The following GPR4 variants were observed in gnomAD, a reference collection of about 807,000 sequenced individuals.
GPR4 encodes G protein-coupled receptor 4.
In GPR4, 11 loss-of-function variants were observed where a neutral mutation model predicts 17.8. That is an observed-to-expected ratio of 0.62 (90% CI 0.39 to 1.02). The LOEUF (loss-of-function observed/expected upper bound fraction) is 1.02, where lower values mean the gene tolerates loss of function less well. Among genes scored for constraint, GPR4 ranks in the 50% least tolerant of loss-of-function variants. The pLI is 0.00. For missense variants in GPR4, 364 were observed against 495.4 expected, an observed-to-expected ratio of 0.73 and a Z score of 2.52; for synonymous variants, 219 against 222.8, an observed-to-expected ratio of 0.98 and a Z score of 0.15.
In GPR4 at chr19:45,591,422, T is replaced by C; in HGVS notation, c.445A>G (p.Asn149Asp). 1 of 1,605,686 alleles carries C rather than the reference T, an allele frequency of 6.2e-7. No individual in the cohort carries two copies. Among genetic ancestry groups the C allele is most frequent in the Non-Finnish European group, 8.5e-7 (1 of 1,177,854 alleles). ...SVVWATELGA[N>D]SAPLFHDELF... is the part of the protein sequence containing the mutation. ...TCGTCATGGAACAGGGGCGCCGAGT[T>C]GGCGCCCAGCTCCGTGGCCCAGACC... Residue 149 changes from asparagine to aspartate, a missense_variant, in exon 2 of 2, where the codon AAC (asparagine) becomes GAC (aspartate). By Grantham distance (23) the Asn-to-Asp change is conservative. Transcript: ENST00000323040. This position sits in a 1 kb window ranked among gnomAD's most constrained non-coding sequence, Gnocchi z 7.6.
At chr19:45,600,180 C>T (rs891646541) in intron 1 of GPR4, among the ~76,000 whole-genome samples, 4 of 152,122 alleles carry the variant, frequency 2.6e-5, no homozygotes, top group Non-Finnish European at 5.9e-5. Context: ...AAATTCTCAC[C>T]ACCTGGGGGT....
chr19:45,601,959 A>AG (rs1970115644), intron 1 of GPR4, 136 bp downstream of exon 1: 1 of 152,870 alleles, frequency 6.5e-6, no homozygotes, highest in South Asian at 2.1e-4. Context: ...AGAGCAACAG[A>AG]GGGGGCGGGC....
intron 1 of GPR4, among the ~76,000 whole-genome samples, chr19:45,597,006 C>G (rs1357443541): frequency 6.6e-6 from 1 of 152,210 alleles, no homozygotes; most frequent in Non-Finnish European, 1.5e-5. Context: ...AGTCTCAAGG[C>G]CAGTGAGTGA....
At position 45,590,521 on chromosome 19, in the gene GPR4, C is replaced by T. The variant is rs1460654213; in HGVS notation, c.*257G>A. The stretch of plus-strand genomic sequence containing the variant: ...CACTACTGCACTCCAGCCTGGGCAA[C>T]ACAGTGAGACCCTGTCTCCAAAAAA... On this transcript the variant is annotated 3_prime_UTR_variant, in exon 2 of 2. Transcript: ENST00000323040. The T allele has an allele frequency of 1.1e-5, 5 of 438,042 alleles. No homozygotes were observed. Among genetic ancestry groups the T allele is most frequent in the Non-Finnish European group, 2.0e-5 (5 of 246,982 alleles). The allele number at this position is 438,042 out of a possible 1,614,324, so 27.1% of individuals were successfully genotyped here. A position where few individuals can be genotyped will look rare whatever the true frequency, so the allele number is the denominator to read the frequency against.
rs1026302508 is a variant in GPR4, at chr19:45,596,566, C to CT, written c.-831-3870dup. On this transcript the variant is annotated intron_variant, in intron 1 of 1. Coordinates refer to ENST00000323040, the MANE Select transcript of GPR4 (RefSeq NM_005282.3). ...CTTCTTTTCTTTTCTTTCTTTCTTT[C>CT]TTTTTTTTGAGACAGGGTCTCACTC... Among the ~76,000 whole-genome samples, 628 of 151,602 alleles carry CT rather than the reference C, an allele frequency of 4.1e-3. 6 individuals are homozygous for CT. Among genetic ancestry groups the CT allele is most frequent in the African/African-American group, 0.014 (594 of 41,358 alleles).
intron 1 of GPR4, among the ~76,000 whole-genome samples, chr19:45,596,075 C>T (rs573154005): frequency 6.6e-6 from 1 of 152,324 alleles, no homozygotes; most frequent in East Asian, 1.9e-4. Context: ...GTCCACTCTG[C>T]GTCAGCATCA....
At chr19:45,595,563 C>A (rs1458828975) in intron 1 of GPR4, among the ~76,000 whole-genome samples, 1 of 152,134 alleles carries the variant, frequency 6.6e-6, no homozygotes, top group Non-Finnish European at 1.5e-5. Flanking sequence ...GCCTGTCACC[C>A]ACTTTGTTCT....
At chr19:45,594,063 A>AAAATATAT (rs1376607021) in intron 1 of GPR4, among the ~76,000 whole-genome samples, 1 of 36,244 alleles carries the variant, frequency 2.8e-5, no homozygotes, top group Non-Finnish European at 4.6e-5. Flanking sequence ...AAAAAAAAAA[A>AAAATATAT]ATATATATAT....
In GPR4 at chr19:45,591,943, G is replaced by A; in HGVS notation, c.-77C>T. On this transcript the variant is annotated 5_prime_UTR_variant, in exon 2 of 2. Coordinates refer to ENST00000323040, the MANE Select transcript of GPR4 (RefSeq NM_005282.3). The surrounding 1 kb of genome is among the most constrained non-coding windows in gnomAD (Gnocchi z 7.6). ...GGCCACAGGGAGCGGGAGGCCATGG[G>A]GCCCCCTGAGCCCCTTCCTTGGAGG... 6.8e-7 allele frequency: 1 copy of A among 1,473,934 alleles called. No homozygotes were observed. Among genetic ancestry groups the A allele is most frequent in the South Asian group, 1.4e-5 (1 of 73,066 alleles). 91.3% of individuals were successfully genotyped at this position (1,473,934 alleles called of 1,614,324 possible).
Position 45,602,104 on chromosome 19 carries a change from G to A in GPR4, c.-841C>T, listed in dbSNP as rs913646304. ...AGGACCCGGCACTTACCTGCGCGCG[G>A]CGACTGGACGGGGCGGGCGGCGGCA... On this transcript the variant is annotated 5_prime_UTR_variant, in exon 1 of 2. Transcript: ENST00000323040. 1 of 152,264 alleles carries A rather than the reference G, an allele frequency of 6.6e-6. No individual in the cohort carries two copies. The highest frequency in any genetic ancestry group is 1.5e-5 in the Non-Finnish European group (1 of 68,108). The allele number at this position is 152,264 out of a possible 1,614,324, so 9.4% of individuals were successfully genotyped here. A position where few individuals can be genotyped will look rare whatever the true frequency, so the allele number is the denominator to read the frequency against.
Position 45,590,060 on chromosome 19 carries a change from CTT to C in GPR4, c.*716_*717del, listed in dbSNP as rs1490571808. On this transcript the variant is annotated 3_prime_UTR_variant, in exon 2 of 2. Coordinates refer to ENST00000323040, the MANE Select transcript of GPR4 (RefSeq NM_005282.3). ...TTGGAGATCGCTGTTTATCTAGAAA[CTT>C]AGAATTGCGGTCTTATGTTCCCTGG... is the stretch of plus-strand genomic sequence containing the variant. The C allele has an allele frequency of 6.6e-6, 1 of 152,184 alleles. No individual in the cohort carries two copies. The highest frequency in any genetic ancestry group is 1.5e-5 in the Non-Finnish European group (1 of 68,042). 9.4% of individuals were successfully genotyped at this position (152,184 alleles called of 1,614,324 possible). A position where few individuals can be genotyped will look rare whatever the true frequency, so the allele number is the denominator to read the frequency against.
At chr19:45,592,718 A>T (rs1391356222) in intron 1 of GPR4, 21 bp from the exon 2 acceptor site, 1 of 166,626 alleles carries the variant, frequency 6.0e-6, no homozygotes, top group East Asian at 1.9e-4. Flanking sequence ...AGAGGACAGC[A>T]GTGAGGGAGT....
In GPR4 at chr19:45,591,769, G is replaced by C; in HGVS notation, c.98C>G (p.Pro33Arg). 1 of 1,613,528 alleles carries C rather than the reference G, an allele frequency of 6.2e-7. No individual in the cohort carries two copies. Among genetic ancestry groups the C allele is most frequent in the Non-Finnish European group, 8.5e-7 (1 of 1,179,862 alleles). Residue 33 changes from proline to arginine, a missense_variant, in exon 2 of 2, where the codon CCC becomes CGC. Physicochemically the swap from Pro to Arg is moderately radical, Grantham distance 103 (BLOSUM62 -2). This residue lies in a region of GPR4 where 271 missense variants were observed against 373.1 expected (regional missense o/e 0.73). Transcript: ENST00000323040. The surrounding 1 kb of genome is among the most constrained non-coding windows in gnomAD (Gnocchi z 7.6). ...LYIFVIGVGL[P>R]TNCLALWAAY... Reference sequence around the variant, plus strand: ...CGCCCACAGAGCCAGGCAGTTGGTGGGCAGCCCCACGCCGATGACAAAGAT... The same window carrying C: ...CGCCCACAGAGCCAGGCAGTTGGTGCGCAGCCCCACGCCGATGACAAAGAT...
intron 1 of GPR4, among the ~76,000 whole-genome samples, chr19:45,594,164 C>G (rs1210920397): frequency 6.9e-6 from 1 of 145,542 alleles, no homozygotes; most frequent in Admixed American, 6.9e-5. Flanking sequence ...AGATCCTTCC[C>G]TGTAATCGCA....
At chr19:45,592,920 A>T (rs953240335) in intron 1 of GPR4, among the ~76,000 whole-genome samples, 4 of 152,232 alleles carry the variant, frequency 2.6e-5, no homozygotes, top group African/African-American at 9.6e-5. Flanking sequence ...GGCCGGGTGC[A>T]GTGGCTCATG....
At chr19:45,593,963 T>C (rs1970025850) in intron 1 of GPR4, among the ~76,000 whole-genome samples, 1 of 144,900 alleles carries the variant, frequency 6.9e-6, no homozygotes, top group Non-Finnish European at 1.5e-5. Flanking sequence ...CACAGCAGCC[T>C]CAACCTCCTG....
intron 1 of GPR4, among the ~76,000 whole-genome samples, chr19:45,595,767 C>G (rs1432464892): frequency 6.6e-6 from 1 of 151,434 alleles, no homozygotes; most frequent in Non-Finnish European, 1.5e-5. Flanking sequence ...AAGATCTTAA[C>G]CAGAAACCAA....
chr19:45,591,733 T>C lies in GPR4; in HGVS notation c.134A>G (p.Gln45Arg). The C allele has an allele frequency of 6.2e-7, 1 of 1,613,974 alleles. No homozygotes were observed. The highest frequency in any genetic ancestry group is 8.5e-7 in the Non-Finnish European group (1 of 1,179,966). Residue 45 changes from glutamine (Q) to arginine (R), a missense_variant, in exon 2 of 2, where the codon CAG becomes CGG. Physicochemically the swap from Gln to Arg is conservative, Grantham distance 43 (BLOSUM62 1). This residue lies in a region of GPR4 where 271 missense variants were observed against 373.1 expected (regional missense o/e 0.73). Transcript: ENST00000323040. The surrounding 1 kb of genome is among the most constrained non-coding windows in gnomAD (Gnocchi z 7.6). ...NCLALWAAYR[Q>R]VQQRNELGVY... is the part of the protein sequence containing the mutation. ...GCCCAGCTCGTTGCGCTGTTGCACC[T>C]GGCGGTAGGCCGCCCACAGAGCCAG...
intron 1 of GPR4, among the ~76,000 whole-genome samples, 155 bp from the exon 2 acceptor site, chr19:45,592,852 G>C (rs1253585663): frequency 6.6e-6 from 1 of 152,064 alleles, no homozygotes; most frequent in East Asian, 1.9e-4. Flanking sequence ...TGAAAACACA[G>C]ATTTGAGGTG....
Sources: gnomAD v4.1 joint callset for allele counts (sites outside exome capture counted in the v4.1 genomes callset) on GRCh38, gnomAD v4.1.1 for gene constraint, gnomAD v4.1.1 regional missense constraint, Gnocchi (gnomAD v3.1) non-coding constraint, MANE v1.5 for transcripts, NCBI Gene and HGNC (gene_info 2026-07-23, HGNC 2026-07-21) for gene names.